C1orf159: variants seen among roughly 807,000 people sequenced by gnomAD.
The protein encoded by C1orf159 is chromosome 1 open reading frame 159, also known as uncharacterized protein C1orf159.
A neutral mutation model predicts 25.6 loss-of-function variants in C1orf159; 19 were observed. That is an observed-to-expected ratio of 0.74 (90% CI 0.52 to 1.09). The LOEUF (loss-of-function observed/expected upper bound fraction) is 1.09, where lower values mean the gene tolerates loss of function less well. Among genes scored for constraint, C1orf159 ranks in the 50% least tolerant of loss-of-function variants. The probability of loss-of-function intolerance (pLI) is 0.00; values close to 1 mark genes in which losing one functional copy is unlikely to be tolerated. For missense variants in C1orf159, 274 were observed against 290.6 expected (o/e 0.94, Z 0.42); for synonymous variants, 139 against 124.7 (o/e 1.12, Z -0.77).
chr1:1,114,937 G>A (rs1266576050), intron 1 of C1orf159: 1 of 152,044 alleles, frequency 6.6e-6, no homozygotes, highest in African/African-American at 2.4e-5. Context: ...CGGGTGATGG[G>A]AGCACCAAAA....
intron 1 of C1orf159, among the ~76,000 whole-genome samples, chr1:1,107,746 C>G (rs1331553902): frequency 2.6e-5 from 4 of 152,164 alleles, no homozygotes; most frequent in Non-Finnish European, 4.4e-5. Context: ...CCACTCGGGT[C>G]CCCTTCCACA....
At chr1:1,085,688 A>C (rs1645817386) in intron 7 of C1orf159, among the ~76,000 whole-genome samples, 190 bp downstream of exon 7, 1 of 152,140 alleles carries the variant, frequency 6.6e-6, no homozygotes, top group Non-Finnish European at 1.5e-5. Context: ...TCAAATCCAC[A>C]CACGGCTGTT....
At chr1:1,085,421 G>C in intron 7 of C1orf159, 1 of 303,116 alleles carries the variant, frequency 3.3e-6, no homozygotes, top group East Asian at 9.3e-5. Flanking sequence ...GCCCAGGCCC[G>C]GGGTGACCGT....
rs1645896845 is a variant in C1orf159 at position 1,089,780 on chromosome 1, C to A, written c.148+573G>T. The stretch of plus-strand genomic sequence containing the variant: ...ACCTTCTCACTCTGTCCTCCCCTCC[C>A]CTGGCTGCTCCCACTGGCTGCCCTC... On this transcript the variant is annotated intron_variant, in intron 4 of 9. Coordinates refer to ENST00000421241, the MANE Select transcript of C1orf159 (RefSeq NM_017891.5). The surrounding 1 kb of genome is among the most constrained non-coding windows in gnomAD (Gnocchi z 7.5). Among the ~76,000 whole-genome samples, 2 of 152,318 alleles carry A rather than the reference C, an allele frequency of 1.3e-5. No homozygotes were observed. The highest frequency in any genetic ancestry group is 4.1e-4 in the South Asian group (2 of 4,830).
chr1:1,096,346 T>C (rs1210838852), intron 1 of C1orf159, among the ~76,000 whole-genome samples: 2 of 151,522 alleles, frequency 1.3e-5, no homozygotes, highest in Non-Finnish European at 3.0e-5. Flanking sequence ...GGTATAATTT[T>C]TTTTGTACAC....
chr1:1,084,136 G>A (rs1645789737), intron 9 of C1orf159: 9 of 1,552,976 alleles, frequency 5.8e-6, no homozygotes, highest in Non-Finnish European at 7.8e-6. Flanking sequence ...AGGGGGGCGG[G>A]CAGGGGGCGC....
At chr1:1,094,058 TTTTG>T (rs1645977528) in intron 1 of C1orf159, among the ~76,000 whole-genome samples, 1 of 152,184 alleles carries the variant, frequency 6.6e-6, no homozygotes, top group Non-Finnish European at 1.5e-5. Context: ...CTTCTGCCCA[TTTTG>T]TTTAATTGGG....
intron 3 of C1orf159, chr1:1,090,770 G>C (rs189021740): frequency 1.0e-6 from 1 of 993,846 alleles, no homozygotes; most frequent in East Asian, 2.6e-5. Context: ...AGGGGTTTCC[G>C]CTTGACCCCA....
chr1:1,084,628 C>T (rs555656782), intron 7 of C1orf159, 122 bp from the exon 8 acceptor site: 38 of 1,313,304 alleles, frequency 2.9e-5, no homozygotes, highest in East Asian at 2.3e-4. Flanking sequence ...GCGGCGTCCT[C>T]GGAGCAGCAG....
chr1:1,112,341 A>G (rs929772268), intron 1 of C1orf159, among the ~76,000 whole-genome samples: 1 of 152,248 alleles, frequency 6.6e-6, no homozygotes, highest in Non-Finnish European at 1.5e-5. Context: ...AGGTAACGGA[A>G]GAACGCCTCA....
intron 1 of C1orf159, among the ~76,000 whole-genome samples, chr1:1,107,697 A>C (rs967056758): frequency 6.6e-6 from 1 of 152,212 alleles, no homozygotes; most frequent in Non-Finnish European, 1.5e-5. Context: ...GGGTCAGATA[A>C]GGGAATAAAA....
intron 1 of C1orf159, among the ~76,000 whole-genome samples, chr1:1,095,091 T>A (rs1450691371): frequency 1.3e-5 from 2 of 152,268 alleles, no homozygotes; most frequent in South Asian, 2.1e-4. Context: ...GTGTCTATTC[T>A]TCAGGGACAC....
intron 3 of C1orf159, chr1:1,091,096 G>A (rs1645924074): frequency 1.1e-6 from 1 of 891,260 alleles, no homozygotes; most frequent in African/African-American, 1.7e-5. Flanking sequence ...AGCCAGGACA[G>A]TGAGGGGTCC....
At chr1:1,112,407 GAACAC>G (rs1369847079) in intron 1 of C1orf159, among the ~76,000 whole-genome samples, 3 of 152,098 alleles carry the variant, frequency 2.0e-5, no homozygotes, top group Non-Finnish European at 4.4e-5. Flanking sequence ...TCCCTCCAGT[GAACAC>G]AACGCACACG....
At chr1:1,085,831 G>A (rs746975403) in intron 7 of C1orf159, 47 bp downstream of exon 7, 74 of 1,606,290 alleles carry the variant, frequency 4.6e-5, no homozygotes, top group Admixed American at 2.4e-4. Flanking sequence ...GCTGGATGCC[G>A]CCTGCCCTGT....
Position 1,112,093 on chromosome 1 carries a change from A to G in C1orf159, c.-136+3967T>C, listed in dbSNP as rs1646265194. On this transcript the variant is annotated intron_variant, in intron 1 of 9. Transcript: ENST00000421241. ...AGGGCAGGATCGGGCCCATCCCCCC[A>G]CCGGGAATGTCAGGCCACCATCAGG... is the stretch of plus-strand genomic sequence containing the variant. Among the ~76,000 whole-genome samples, 5 of 152,112 alleles carry G rather than the reference A, an allele frequency of 3.3e-5. 1 individual carries two copies. In the South Asian group the frequency reaches 1.0e-3, roughly 32 times the overall value.
At chr1:1,113,327 C>G (rs1646287404) in intron 1 of C1orf159, among the ~76,000 whole-genome samples, 1 of 152,244 alleles carries the variant, frequency 6.6e-6, no homozygotes, top group Admixed American at 6.5e-5. Context: ...ATACATTCTG[C>G]CAGTAATAGA....
chr1:1,090,320 G>A (rs552689476), intron 4 of C1orf159, 33 bp downstream of exon 4: 54 of 1,548,602 alleles, frequency 3.5e-5, no homozygotes, highest in East Asian at 4.9e-5. Flanking sequence ...CTCAGGGGCC[G>A]GTCTGGAATC....
In C1orf159 at chr1:1,100,554, C is replaced by G. The variant is rs1007438235; in HGVS notation, c.-135-8451G>C. Among the ~76,000 whole-genome samples the G allele has an allele frequency of 5.3e-5, 8 of 152,190 alleles. No homozygotes were observed. In the East Asian group the frequency reaches 1.5e-3, roughly 29 times the overall value. ...GGGCGCACTCTTGGTGCTGCACGTT[C>G]TTGGTGCTGAGCTTTGGCAAGTGTA... On this transcript the variant is annotated intron_variant, in intron 1 of 9. Coordinates refer to ENST00000421241, the MANE Select transcript of C1orf159 (RefSeq NM_017891.5).
Sources: allele counts gnomAD v4.1 joint callset (sites outside exome capture counted in the v4.1 genomes callset), GRCh38; gene constraint gnomAD v4.1.1; non-coding constraint Gnocchi (gnomAD v3.1); transcripts MANE v1.5; gene names NCBI Gene and HGNC (gene_info 2026-07-23, HGNC 2026-07-21).